The following EEFSEC variants were observed in gnomAD, a reference collection of about 807,000 sequenced individuals.
EEFSEC encodes the protein eukaryotic elongation factor, selenocysteine-tRNA specific.
A neutral mutation model predicts 42.1 loss-of-function variants in EEFSEC; 43 were observed. The ratio of observed to expected loss-of-function variants is 1.02; its 90% confidence interval spans 0.80 to 1.32. EEFSEC has a LOEUF of 1.32. EEFSEC is among the 40% of genes most tolerant of loss of function. The pLI is 0.00. For missense variants in EEFSEC, 745 were observed against 803.6 expected (o/e 0.93, Z 0.88); for synonymous variants, 354 against 339.1 (o/e 1.04, Z -0.48).
At position 128,293,361 on chromosome 3, in the gene EEFSEC, TTCTG is replaced by T. The variant is rs769861864; in HGVS notation, c.786+28588_786+28591del. On this transcript the variant is annotated intron_variant, in intron 4 of 6. Transcript: ENST00000254730. ...ACATCCTCTCCTTCTTTTGCTAATT[TTCTG>T]TCTGTCTCTCCTAGTAGATATTTAT... is the stretch of plus-strand genomic sequence containing the variant. Among the ~76,000 whole-genome samples the T allele has an allele frequency of 3.3e-5, 5 of 152,194 alleles. No individual in the cohort carries two copies. The South Asian group carries it at 1.0e-3, about 32-fold the overall frequency.
At chr3:128,308,362 G>A (rs1291360623) in intron 4 of EEFSEC, among the ~76,000 whole-genome samples, 1 of 152,226 alleles carries the variant, frequency 6.6e-6, no homozygotes, top group South Asian at 2.1e-4. Context: ...AGGGGAGGGG[G>A]AATTGGGAGA....
At chr3:128,185,051 A>G (rs1247164332) in intron 1 of EEFSEC, among the ~76,000 whole-genome samples, 1 of 152,202 alleles carries the variant, frequency 6.6e-6, no homozygotes, top group African/African-American at 2.4e-5. Flanking sequence ...AAAAACAAAT[A>G]CAAGTCTGCC....
At chr3:128,283,029 T>A (rs992929622) in intron 4 of EEFSEC, among the ~76,000 whole-genome samples, 1 of 152,248 alleles carries the variant, frequency 6.6e-6, no homozygotes, top group African/African-American at 2.4e-5. Flanking sequence ...CCAGGAGGCC[T>A]GCAGTGGATT....
chr3:128,304,678 GC>G, intron 4 of EEFSEC, among the ~76,000 whole-genome samples: 1 of 151,462 alleles, frequency 6.6e-6, no homozygotes, highest in Admixed American at 6.6e-5. Flanking sequence ...ATGTTAAATG[GC>G]AGGCATCTTT....
chr3:128,262,013 G>A, intron 2 of EEFSEC, 115 bp from the exon 3 acceptor site: 1 of 923,054 alleles, frequency 1.1e-6, no homozygotes, highest in Non-Finnish European at 1.7e-6. Context: ...TGGTTGATGT[G>A]GGGAGAGAAG....
intron 2 of EEFSEC, among the ~76,000 whole-genome samples, chr3:128,252,181 A>T (rs751165036): frequency 3.3e-5 from 5 of 151,908 alleles, no homozygotes; most frequent in African/African-American, 4.8e-5. Flanking sequence ...CTCTGTCTGG[A>T]GCCCACCAGG....
rs1248199062 is a variant in EEFSEC, at chr3:128,153,826, G to A, written c.316+3G>A. 4 of 1,506,996 alleles carry A rather than the reference G, an allele frequency of 2.7e-6. No individual in the cohort carries two copies. In the East Asian group the frequency reaches 8.1e-5, roughly 31 times the overall value. The allele number at this position is 1,506,996 out of a possible 1,614,324, so 93.4% of individuals were successfully genotyped here. A position where few individuals can be genotyped will look rare whatever the true frequency, so the allele number is the denominator to read the frequency against. ...CCTCATCCGGACCATCATCGGCGGT[G>A]AGCGCGGGCCGGGGCGGGAGCCGGG... On this transcript the variant is annotated splice_donor_region_variant and intron_variant, in intron 1 of 6. Transcript: ENST00000254730.
chr3:128,374,884 T>G (rs578249056), intron 6 of EEFSEC, among the ~76,000 whole-genome samples: 1 of 152,360 alleles, frequency 6.6e-6, no homozygotes, highest in African/African-American at 2.4e-5. Flanking sequence ...GCCCCAGAGC[T>G]GAGACTTGAG....
chr3:128,164,985 C>G (rs560084996), intron 1 of EEFSEC, among the ~76,000 whole-genome samples: 2 of 152,328 alleles, frequency 1.3e-5, no homozygotes, highest in East Asian at 3.9e-4. Context: ...ATGCCATCAG[C>G]AGGGAAAGTG....
rs757366801 is a variant in EEFSEC, at chr3:128,262,109, G to A, written c.525-19G>A. The A allele has an allele frequency of 2.5e-6, 4 of 1,612,984 alleles. No homozygotes were observed. The South Asian group carries it at 4.4e-5, about 18-fold the overall frequency. On this transcript the variant is annotated intron_variant, in intron 2 of 6. Coordinates refer to ENST00000254730, the MANE Select transcript of EEFSEC (RefSeq NM_021937.5). ...TTGCTGATCTCTGTAACTGTGATGG[G>A]ACTTATTTTCCATTTCAGGTTCCGA...
chr3:128,424,050 A>G, the EEFSEC span, among the ~76,000 whole-genome samples: 3 of 152,098 alleles, frequency 2.0e-5, no homozygotes, highest in Non-Finnish European at 4.4e-5. Flanking sequence ...ACACACCCGC[A>G]CACACACACT....
chr3:128,277,573 T>A (rs2066482099), intron 4 of EEFSEC, among the ~76,000 whole-genome samples: 1 of 152,258 alleles, frequency 6.6e-6, no homozygotes, highest in East Asian at 1.9e-4. Context: ...GAGTGACAGC[T>A]GTGGCTCCCC....
chr3:128,414,496 T>C, the EEFSEC span, among the ~76,000 whole-genome samples: 1 of 152,142 alleles, frequency 6.6e-6, no homozygotes, highest in Non-Finnish European at 1.5e-5. Context: ...CCCCAAGGAC[T>C]CCAGAGCTGG....
At chr3:128,360,914 C>A (rs948794842) in intron 6 of EEFSEC, among the ~76,000 whole-genome samples, 1 of 152,012 alleles carries the variant, frequency 6.6e-6, no homozygotes, top group South Asian at 2.1e-4. Flanking sequence ...CTCCCACCCC[C>A]ACTCCCTGCT....
At chr3:128,208,877 C>T (rs2065727411) in intron 1 of EEFSEC, among the ~76,000 whole-genome samples, 1 of 152,150 alleles carries the variant, frequency 6.6e-6, no homozygotes. Flanking sequence ...TGAATGCTTA[C>T]CTTTGAATTC....
chr3:128,243,854 G>A (rs2066099509), intron 1 of EEFSEC, among the ~76,000 whole-genome samples: 1 of 152,192 alleles, frequency 6.6e-6, no homozygotes, highest in South Asian at 2.1e-4. Context: ...AAGAACCTGG[G>A]CACCAGGGTT....
chr3:128,227,320 C>T (rs1374775624), intron 1 of EEFSEC, among the ~76,000 whole-genome samples: 1 of 152,084 alleles, frequency 6.6e-6, no homozygotes, highest in Non-Finnish European at 1.5e-5. Context: ...TACCCCCCCA[C>T]TCCGTTCTTT....
intron 6 of EEFSEC, among the ~76,000 whole-genome samples, chr3:128,364,485 G>A (rs1379748692): frequency 1.3e-5 from 2 of 152,226 alleles, no homozygotes; most frequent in Non-Finnish European, 1.5e-5. Flanking sequence ...TGTGGCCAGT[G>A]GTCAGTCCAG....
At chr3:128,165,853 A>G (rs1340396930) in intron 1 of EEFSEC, among the ~76,000 whole-genome samples, 1 of 152,216 alleles carries the variant, frequency 6.6e-6, no homozygotes, top group Non-Finnish European at 1.5e-5. Flanking sequence ...TTAGAGCTCC[A>G]GAGGGTCAGT....
Sources: allele counts gnomAD v4.1 joint callset (sites outside exome capture counted in the v4.1 genomes callset), GRCh38; gene constraint gnomAD v4.1.1; transcripts MANE v1.5; gene names NCBI Gene and HGNC (gene_info 2026-07-23, HGNC 2026-07-21).